Variants in AMOTL1 observed in about 807,000 individuals in gnomAD.
The protein encoded by AMOTL1 is angiomotin-like protein 1.
AMOTL1 carries 45 observed loss-of-function variants against 102.9 expected under a neutral mutation model. That is an observed-to-expected ratio of 0.44 (90% CI 0.34 to 0.56). The LOEUF is 0.56. AMOTL1 is among the 20% of genes least tolerant of loss of function. The probability of loss-of-function intolerance (pLI) is 0.01; values close to 1 mark genes in which losing one functional copy is unlikely to be tolerated. For missense variants in AMOTL1, 1,114 were observed against 1,225.6 expected, an observed-to-expected ratio of 0.91 and a Z score of 1.36; for synonymous variants, 481 against 484.7, an observed-to-expected ratio of 0.99 and a Z score of 0.10.
At chr11:94,758,382 A>C (rs1389913331) in intron 3 of AMOTL1, among the ~76,000 whole-genome samples, 1 of 152,212 alleles carries the variant, frequency 6.6e-6, no homozygotes, top group Admixed American at 6.5e-5. Flanking sequence ...TGAATGCGTA[A>C]TAAATGCTTT....
chr11:94,778,006 A>T, intron 1 of AMOTL1, among the ~76,000 whole-genome samples: 1 of 152,248 alleles, frequency 6.6e-6, no homozygotes, highest in Non-Finnish European at 1.5e-5. Context: ...CATATTCTAT[A>T]AAAGGAATGT....
chr11:94,802,751 G>A (rs1381276595), intron 3 of AMOTL1, among the ~76,000 whole-genome samples: 7 of 152,186 alleles, frequency 4.6e-5, no homozygotes, highest in Non-Finnish European at 1.0e-4. Flanking sequence ...TGGCTCCAGT[G>A]GTGCAGCCCT....
intron 2 of AMOTL1, among the ~76,000 whole-genome samples, chr11:94,730,730 C>T (rs189139112): frequency 5.8e-4 from 89 of 152,310 alleles, no homozygotes; most frequent in African/African-American, 2.0e-3. Context: ...ATATCTCTGC[C>T]TTCATTGAAA....
intron 3 of AMOTL1, among the ~76,000 whole-genome samples, chr11:94,806,746 G>A (rs960285608): frequency 1.3e-5 from 2 of 152,198 alleles, no homozygotes; most frequent in Non-Finnish European, 2.9e-5. Flanking sequence ...CAGCTGTAAT[G>A]TATTAAATGA....
chr11:94,816,971 G>C (rs1199996967), intron 3 of AMOTL1, among the ~76,000 whole-genome samples: 2 of 152,146 alleles, frequency 1.3e-5, no homozygotes, highest in African/African-American at 4.8e-5. Flanking sequence ...ACTGATGCAA[G>C]ACCAGCATAT....
In AMOTL1 at chr11:94,872,255, G is replaced by A. The variant is rs945732917; in HGVS notation, c.*1460G>A. On this transcript the variant is annotated 3_prime_UTR_variant, in exon 13 of 13. Transcript: ENST00000433060. The stretch of plus-strand genomic sequence containing the variant: ...GGCTTCCTTTACAAATCTAAGAGAT[G>A]CTGGATTAGAAAAGAGGAGAAGCTC... 2.0e-5 allele frequency: 3 copies of A among 152,124 alleles called. No individual in the cohort carries two copies. Among genetic ancestry groups the A allele is most frequent in the Non-Finnish European group, 2.9e-5 (2 of 68,052 alleles). The allele number at this position is 152,124 out of a possible 1,614,324, so 9.4% of individuals were successfully genotyped here.
chr11:94,759,636 T>G (rs991901409), intron 3 of AMOTL1, among the ~76,000 whole-genome samples: 4 of 151,106 alleles, frequency 2.6e-5, no homozygotes, highest in African/African-American at 9.7e-5. Flanking sequence ...ATCTTGGCTC[T>G]GTCACTTATT....
chr11:94,775,331 G>T (rs1199515426), intron 1 of AMOTL1, among the ~76,000 whole-genome samples: 3 of 152,146 alleles, frequency 2.0e-5, no homozygotes, highest in Non-Finnish European at 4.4e-5. Flanking sequence ...TTAAGCTAGG[G>T]TCTGAGTGCC....
In AMOTL1 at chr11:94,866,069, A is replaced by G. The variant is rs371816271; in HGVS notation, c.2389A>G (p.Ile797Val). Residue 797 changes from isoleucine (I) to valine (V), a missense_variant, in exon 11 of 13, where the codon ATA (isoleucine) becomes GTA (valine). By Grantham distance (29) the Ile-to-Val change is conservative (BLOSUM62 3). Transcript: ENST00000433060. The stretch of plus-strand genomic sequence containing the variant: ...ACGTCCTGCCCGCTCCGTTCCATCC[A>G]TAGCAGCAGCTACTGGGACACACTC... ...SLRPARSVPS[I>V]AAATGTHSRQ... 56 of 1,613,886 alleles carry G rather than the reference A, an allele frequency of 3.5e-5. No individual in the cohort carries two copies. The highest frequency in any genetic ancestry group is 4.6e-5 in the Non-Finnish European group (54 of 1,179,904).
chr11:94,849,020 T>C (rs796857027), intron 6 of AMOTL1, among the ~76,000 whole-genome samples: 53 of 152,336 alleles, frequency 3.5e-4, no homozygotes, highest in African/African-American at 1.3e-3. Flanking sequence ...ATAGCCAGTA[T>C]GGAACATTGA....
intron 1 of AMOTL1, among the ~76,000 whole-genome samples, chr11:94,792,919 G>A (rs1054692499): frequency 1.1e-4 from 17 of 152,110 alleles, no homozygotes; most frequent in African/African-American, 4.1e-4. Flanking sequence ...CCCACTCTTA[G>A]TTAGCAGACC....
At chr11:94,746,265 G>T (rs1361970994) in intron 3 of AMOTL1, among the ~76,000 whole-genome samples, 2 of 152,108 alleles carry the variant, frequency 1.3e-5, no homozygotes, top group East Asian at 3.9e-4. Context: ...TTCTGAGGAG[G>T]CAAAGCCCAC....
chr11:94,812,935 G>T (rs1951707806), intron 3 of AMOTL1, among the ~76,000 whole-genome samples: 1 of 152,058 alleles, frequency 6.6e-6, no homozygotes, highest in South Asian at 2.1e-4. Flanking sequence ...ATATCAAAGG[G>T]CTGAGTCAGT....
intron 9 of AMOTL1, among the ~76,000 whole-genome samples, chr11:94,860,972 A>G (rs1565385671): frequency 6.6e-6 from 1 of 152,234 alleles, no homozygotes; most frequent in Non-Finnish European, 1.5e-5. Context: ...TGTTAGCACC[A>G]GGAATTGGAG....
At chr11:94,740,528 C>T (rs917985679) in intron 2 of AMOTL1, among the ~76,000 whole-genome samples, 9 of 151,624 alleles carry the variant, frequency 5.9e-5, no homozygotes, top group African/African-American at 1.4e-4. Context: ...CGCCCTCGGG[C>T]CCCCGGGACC....
rs187793193 is a variant in AMOTL1 at position 94,807,633 on chromosome 11, T to C, written c.1121+7322T>C. Among the ~76,000 whole-genome samples the C allele has an allele frequency of 5.3e-5, 8 of 152,340 alleles. No individual in the cohort carries two copies. In the East Asian group the frequency reaches 1.5e-3, roughly 29 times the overall value. On this transcript the variant is annotated intron_variant, in intron 3 of 12. Transcript: ENST00000433060. ...CCTTTTGTAATAGTTCCTTCCAGTC[T>C]TTTTTCTCTGCATTATTTTTTACAA... is the stretch of plus-strand genomic sequence containing the variant.
intron 2 of AMOTL1, among the ~76,000 whole-genome samples, chr11:94,796,333 G>T (rs867628066): frequency 6.6e-6 from 1 of 152,196 alleles, no homozygotes; most frequent in South Asian, 2.1e-4. Flanking sequence ...TCAGGAACCA[G>T]TGTGTAAACT....
At chr11:94,853,857 G>T in intron 7 of AMOTL1, 76 bp from the exon 8 acceptor site, 1 of 1,530,772 alleles carries the variant, frequency 6.5e-7, no homozygotes, top group South Asian at 1.2e-5. Context: ...CAGGTAATCT[G>T]ACCCCACCTC....
intron 2 of AMOTL1, among the ~76,000 whole-genome samples, chr11:94,796,168 G>A (rs1462961397): frequency 6.6e-6 from 1 of 152,032 alleles, no homozygotes; most frequent in African/African-American, 2.4e-5. Flanking sequence ...ATTCTTTGAC[G>A]GTAAGGGATA....
Sources: allele counts gnomAD v4.1 joint callset (sites outside exome capture counted in the v4.1 genomes callset), GRCh38; gene constraint gnomAD v4.1.1; transcripts MANE v1.5; gene names NCBI Gene and HGNC (gene_info 2026-07-23, HGNC 2026-07-21).